PCDH15: variants seen among roughly 807,000 people sequenced by gnomAD.
PCDH15 encodes the protein protocadherin related 15, also known as protocadherin-15.
PCDH15 carries 129 observed loss-of-function variants against 178.5 expected under a neutral mutation model. The observed-to-expected ratio is 0.72, with a 90% CI of 0.63 to 0.84. The LOEUF is 0.84. PCDH15 is among the 40% of genes least tolerant of loss of function. The pLI, the probability that PCDH15 is intolerant of heterozygous loss-of-function variation, is 0.00. For synonymous variants in PCDH15, 800 were observed against 732.0 expected (o/e 1.09, Z -1.50); for missense variants, 2,230 against 2,099.9 (o/e 1.06, Z -1.21).
At chr10:55,555,044 A>G (rs1018846538) in intron 2 of PCDH15, among the ~76,000 whole-genome samples, 2 of 152,094 alleles carry the variant, frequency 1.3e-5, no homozygotes, top group African/African-American at 2.4e-5. Flanking sequence ...TTTGAAGAAA[A>G]TCAGTATTTC....
chr10:54,973,499 G>A (rs915268504), intron 2 of PCDH15, among the ~76,000 whole-genome samples: 4 of 152,172 alleles, frequency 2.6e-5, no homozygotes, highest in Admixed American at 2.0e-4. Flanking sequence ...AGCTCTTAAG[G>A]GCTTTGGAAT....
chr10:54,909,793 C>T (rs1312602221), intron 2 of PCDH15, among the ~76,000 whole-genome samples: 1 of 152,020 alleles, frequency 6.6e-6, no homozygotes. Flanking sequence ...AGCACCACCT[C>T]GGACCTGCTC....
chr10:54,986,347 A>G (rs1839363680), intron 2 of PCDH15, among the ~76,000 whole-genome samples: 1 of 151,980 alleles, frequency 6.6e-6, no homozygotes, highest in Non-Finnish European at 1.5e-5. Flanking sequence ...GGATTGAGAA[A>G]AAAAAAATAT....
At chr10:54,383,727 A>T (rs939706673) in intron 3 of PCDH15, among the ~76,000 whole-genome samples, 8 of 151,944 alleles carry the variant, frequency 5.3e-5, no homozygotes, top group African/African-American at 1.7e-4. Context: ...TCAACCAAAA[A>T]AAAAAAGAAG....
At chr10:54,517,338 T>A (rs2082337986) in intron 3 of PCDH15, among the ~76,000 whole-genome samples, 1 of 152,066 alleles carries the variant, frequency 6.6e-6, no homozygotes, top group African/African-American at 2.4e-5. Context: ...GAGACACACA[T>A]AGGCTCAAAA....
intron 2 of PCDH15, among the ~76,000 whole-genome samples, chr10:55,100,579 G>A (rs1416106048): frequency 6.6e-6 from 1 of 152,116 alleles, no homozygotes; most frequent in Non-Finnish European, 1.5e-5. Flanking sequence ...GAAGGGGAAG[G>A]GGAGCTACTG....
At chr10:54,043,217 T>A (rs778391280) in intron 18 of PCDH15, among the ~76,000 whole-genome samples, 1 of 152,052 alleles carries the variant, frequency 6.6e-6, no homozygotes, top group Non-Finnish European at 1.5e-5. Context: ...AACAAAGGTG[T>A]TGAAAAAGAA....
At chr10:53,965,270 G>T (rs542507186) in intron 21 of PCDH15, among the ~76,000 whole-genome samples, 1 of 152,172 alleles carries the variant, frequency 6.6e-6, no homozygotes, top group Admixed American at 6.5e-5. Flanking sequence ...ATGTTGGCCA[G>T]CCAGGTCTTA....
chr10:54,007,077 AT>A (rs1323642872), intron 20 of PCDH15, among the ~76,000 whole-genome samples: 1 of 152,140 alleles, frequency 6.6e-6, no homozygotes, highest in African/African-American at 2.4e-5. Context: ...AGTATAATAT[AT>A]CCATTTACAT....
At chr10:55,589,307 T>C (rs1190876135) in intron 2 of PCDH15, among the ~76,000 whole-genome samples, 2 of 152,124 alleles carry the variant, frequency 1.3e-5, no homozygotes, top group Non-Finnish European at 1.5e-5. Context: ...ATTTATTAAA[T>C]AGGGAATCCT....
At chr10:54,793,701 C>T (rs141720474) in intron 1 of PCDH15, among the ~76,000 whole-genome samples, 1 of 144,710 alleles carries the variant, frequency 6.9e-6, no homozygotes, top group East Asian at 2.0e-4. Flanking sequence ...CATATATAAA[C>T]ATATATATAC....
chr10:54,146,600 AAAAC>A (rs1384124031), intron 14 of PCDH15, among the ~76,000 whole-genome samples: 1 of 151,798 alleles, frequency 6.6e-6, no homozygotes, highest in African/African-American at 2.4e-5. Flanking sequence ...AAAAAAAAGT[AAAAC>A]AAAACACTAA....
At chr10:55,229,704 A>G (rs939866611) in intron 1 of PCDH15, among the ~76,000 whole-genome samples, 1 of 152,078 alleles carries the variant, frequency 6.6e-6, no homozygotes, top group Admixed American at 6.5e-5. Context: ...AGACCAATCC[A>G]GTAAATGAAA....
At chr10:55,281,033 A>G (rs559383613) in intron 1 of PCDH15, among the ~76,000 whole-genome samples, 1 of 152,342 alleles carries the variant, frequency 6.6e-6, no homozygotes, top group South Asian at 2.1e-4. Flanking sequence ...AAAAGACTCT[A>G]ATACTATAGC....
chr10:54,202,812 CAAAA>C lies in PCDH15; in HGVS notation c.1099-6927_1099-6924del, dbSNP rs36086266. ...GAGCAACAAGAGCGAAACCCCACCT[CAAAA>C]AAAAAAAAAAAAAAAGTAGTTTCCC... On this transcript the variant is annotated intron_variant, in intron 10 of 37. Coordinates refer to ENST00000644397, the MANE Select transcript of PCDH15 (RefSeq NM_001384140.1). 8.1e-3 allele frequency among the ~76,000 whole-genome samples: 856 copies of C among 106,146 alleles called. 11 individuals are homozygous for C. Among genetic ancestry groups the C allele is most frequent in the African/African-American group, 0.028 (701 of 24,944 alleles). The allele number at this position is 106,146 out of a possible 152,430, so 69.6% of individuals were successfully genotyped here.
At chr10:54,880,294 A>T (rs1184607711) in intron 3 of PCDH15, among the ~76,000 whole-genome samples, 1 of 152,136 alleles carries the variant, frequency 6.6e-6, no homozygotes, top group Non-Finnish European at 1.5e-5. Context: ...TATGGCTCTA[A>T]CATGATGATT....
At chr10:55,183,182 T>C (rs553188157) in intron 1 of PCDH15, among the ~76,000 whole-genome samples, 29 of 152,168 alleles carry the variant, frequency 1.9e-4, no homozygotes, top group African/African-American at 7.0e-4. Context: ...AATTTGAAGC[T>C]ACTTCTCAGT....
In PCDH15 at chr10:54,012,194, G is replaced by A. The variant is rs145840758; in HGVS notation, c.2751+7998C>T. On this transcript the variant is annotated intron_variant, in intron 20 of 37. Coordinates refer to ENST00000644397, the MANE Select transcript of PCDH15 (RefSeq NM_001384140.1). ...CAAACTAAGGAAAGAATCAGAGAGC[G>A]TGAAGACTGGCTCTCTGAACTAACT... is the stretch of plus-strand genomic sequence containing the variant. Among the ~76,000 whole-genome samples, 953 of 152,182 alleles carry A rather than the reference G, an allele frequency of 6.3e-3. 1 individual carries two copies. The highest frequency in any genetic ancestry group is 0.011 in the African/African-American group (461 of 41,528).
intron 3 of PCDH15, among the ~76,000 whole-genome samples, chr10:54,501,659 T>C (rs184024301): frequency 1.3e-5 from 2 of 152,238 alleles, no homozygotes; most frequent in East Asian, 3.9e-4. Flanking sequence ...ACTTCTCCAT[T>C]TTTAATTTGT....
Sources: gnomAD v4.1 joint callset for allele counts (sites outside exome capture counted in the v4.1 genomes callset) on GRCh38, gnomAD v4.1.1 for gene constraint, MANE v1.5 for transcripts, NCBI Gene and HGNC (gene_info 2026-07-23, HGNC 2026-07-21) for gene names.